PGCKA1: variants seen among roughly 807,000 people sequenced by gnomAD.
PGCKA1 encodes the protein PDCD10 and GCKIII kinases associated 1, also known as PDCD10 and GCKIII kinases-associated protein 1.
At chr4:37,560,225 G>T in the PGCKA1 span, among the ~76,000 whole-genome samples, 1 of 152,168 alleles carries the variant, frequency 6.6e-6, no homozygotes, top group Non-Finnish European at 1.5e-5. Flanking sequence ...CACTGGTCTT[G>T]CTTTTGTTCC....
chr4:37,533,645 A>G, the PGCKA1 span, among the ~76,000 whole-genome samples: 1 of 152,206 alleles, frequency 6.6e-6, no homozygotes, highest in African/African-American at 2.4e-5. Flanking sequence ...AAATTGAATG[A>G]AAAAAACAAC....
At chr4:37,475,443 A>G in the PGCKA1 span, among the ~76,000 whole-genome samples, 2 of 152,196 alleles carry the variant, frequency 1.3e-5, no homozygotes, top group African/African-American at 2.4e-5. Context: ...AGATTGAGAT[A>G]ATGATCCTTT....
At chr4:37,495,747 T>C in the PGCKA1 span, among the ~76,000 whole-genome samples, 1 of 151,950 alleles carries the variant, frequency 6.6e-6, no homozygotes, top group East Asian at 1.9e-4. Flanking sequence ...AGGAGAAATA[T>C]CTAAAGTAGA....
the PGCKA1 span, among the ~76,000 whole-genome samples, chr4:37,568,114 A>G: frequency 6.6e-6 from 1 of 152,146 alleles, no homozygotes; most frequent in African/African-American, 2.4e-5. Context: ...CAGCATTCCT[A>G]CAGTGGAAGC....
chr4:37,558,435 C>G, the PGCKA1 span, among the ~76,000 whole-genome samples: 2 of 152,206 alleles, frequency 1.3e-5, no homozygotes, highest in Admixed American at 6.5e-5. Context: ...AGCGTGTGGT[C>G]CCGGGACCTA....
the PGCKA1 span, among the ~76,000 whole-genome samples, chr4:37,578,109 C>T: frequency 6.6e-6 from 1 of 152,172 alleles, no homozygotes; most frequent in African/African-American, 2.4e-5. Flanking sequence ...TGCTGATATT[C>T]TGTGTGGAAG....
At chr4:37,520,278 G>A in the PGCKA1 span, among the ~76,000 whole-genome samples, 11 of 152,332 alleles carry the variant, frequency 7.2e-5, no homozygotes, top group Admixed American at 3.9e-4. Context: ...CTCATAGGAT[G>A]AGTTTGGAAG....
the PGCKA1 span, among the ~76,000 whole-genome samples, chr4:37,459,759 T>C: frequency 6.6e-6 from 1 of 151,808 alleles, no homozygotes; most frequent in African/African-American, 2.4e-5. Flanking sequence ...AGAAATGACT[T>C]GTATTAAGAT....
At chr4:37,577,965 A>T in the PGCKA1 span, among the ~76,000 whole-genome samples, 1 of 152,230 alleles carries the variant, frequency 6.6e-6, no homozygotes, top group Non-Finnish European at 1.5e-5. Flanking sequence ...TTGTGACCTA[A>T]CATATGGTCT....
chr4:37,586,804 G>A, the PGCKA1 span, among the ~76,000 whole-genome samples: 1 of 152,190 alleles, frequency 6.6e-6, no homozygotes, highest in Non-Finnish European at 1.5e-5. Flanking sequence ...CAGCTACTGG[G>A]GAGGCTGAGG....
the PGCKA1 span, among the ~76,000 whole-genome samples, chr4:37,561,087 A>G: frequency 1.3e-5 from 2 of 152,040 alleles, no homozygotes; most frequent in Admixed American, 6.6e-5. Context: ...TTTCCCACCA[A>G]CAACCTCCTT....
the PGCKA1 span, among the ~76,000 whole-genome samples, chr4:37,457,834 T>A: frequency 6.6e-6 from 1 of 152,232 alleles, no homozygotes; most frequent in African/African-American, 2.4e-5. Flanking sequence ...TGATTCCTAA[T>A]GAGCTTGGCT....
chr4:37,518,558 T>C, the PGCKA1 span, among the ~76,000 whole-genome samples: 1 of 152,238 alleles, frequency 6.6e-6, no homozygotes, highest in East Asian at 1.9e-4. Flanking sequence ...CTATTTGCCA[T>C]TTGTATGTCT....
the PGCKA1 span, among the ~76,000 whole-genome samples, chr4:37,530,369 C>T: frequency 1.3e-5 from 2 of 151,890 alleles, no homozygotes; most frequent in African/African-American, 2.4e-5. Flanking sequence ...GTCAGGAGTT[C>T]GTGACCAGCC....
the PGCKA1 span, chr4:37,587,944 G>A: frequency 6.6e-6 from 1 of 152,164 alleles, no homozygotes; most frequent in Non-Finnish European, 1.5e-5. Flanking sequence ...ACTCCAGCCT[G>A]GGCGACAGAG....
At chr4:37,481,420 G>A in the PGCKA1 span, among the ~76,000 whole-genome samples, 3 of 132,950 alleles carry the variant, frequency 2.3e-5, no homozygotes, top group Admixed American at 8.0e-5. Context: ...AGCCAAGATC[G>A]CACCACTGCA....
chr4:37,519,868 G>A, the PGCKA1 span, among the ~76,000 whole-genome samples: 115 of 152,088 alleles, frequency 7.6e-4, no homozygotes, highest in African/African-American at 2.4e-3. Flanking sequence ...TTCACTTTTC[G>A]CCATTCAATA....
the PGCKA1 span, among the ~76,000 whole-genome samples, chr4:37,566,189 A>G: frequency 6.6e-6 from 1 of 152,034 alleles, no homozygotes; most frequent in Non-Finnish European, 1.5e-5. Flanking sequence ...AAAATACCAC[A>G]TCACCTACTT....
chr4:37,464,348 TA>T, the PGCKA1 span, among the ~76,000 whole-genome samples: 1 of 152,170 alleles, frequency 6.6e-6, no homozygotes, highest in Non-Finnish European at 1.5e-5. Context: ...CAGAAATACT[TA>T]AAATTCCTGG....
Sources: gnomAD v4.1 joint callset for allele counts (sites outside exome capture counted in the v4.1 genomes callset) on GRCh38, gnomAD v4.1.1 for gene constraint, MANE v1.5 for transcripts, NCBI Gene and HGNC (gene_info 2026-07-23, HGNC 2026-07-21) for gene names.